WWOX: variants seen among roughly 807,000 people sequenced by gnomAD.
WWOX encodes WW domain-containing oxidoreductase.
A neutral mutation model predicts 46.2 loss-of-function variants in WWOX; 69 were observed. That is an observed-to-expected ratio of 1.49 (90% CI 1.23 to 1.82). The LOEUF (loss-of-function observed/expected upper bound fraction) is 1.82, where lower values mean the gene tolerates loss of function less well. Among genes scored for constraint, WWOX ranks in the 40% most tolerant of loss-of-function variants. The pLI is 0.00. For synonymous variants in WWOX, 359 were observed against 202.6 expected (o/e 1.77, Z -6.56); for missense variants, 919 against 542.6 (o/e 1.69, Z -6.89).
chr16:78,886,240 TA>T lies in WWOX; in HGVS notation c.1057-325365del, dbSNP rs1465544419. ...GCGCCTGACTGTACTTTTTTTTTTTTAAAGTATACCCATACCCATTGTACAC... is the reference window on the plus strand; with the variant it reads ...GCGCCTGACTGTACTTTTTTTTTTTTAAGTATACCCATACCCATTGTACAC... On this transcript the variant is annotated intron_variant, in intron 8 of 8. Coordinates refer to ENST00000566780, the MANE Select transcript of WWOX (RefSeq NM_016373.4). 5.3e-5 allele frequency among the ~76,000 whole-genome samples: 8 copies of T among 151,054 alleles called. No individual in the cohort carries two copies. The South Asian group carries it at 8.4e-4, about 16-fold the overall frequency.
intron 8 of WWOX, among the ~76,000 whole-genome samples, chr16:79,127,012 T>C (rs966875409): frequency 2.0e-5 from 3 of 152,136 alleles, no homozygotes; most frequent in African/African-American, 7.2e-5. Flanking sequence ...TTTAAACTTA[T>C]TTCTTTAATT....
At chr16:78,968,188 T>C (rs748683855) in intron 8 of WWOX, among the ~76,000 whole-genome samples, 29 of 136,810 alleles carry the variant, frequency 2.1e-4, no homozygotes, top group African/African-American at 6.4e-4. Context: ...CGTGGCACAG[T>C]GCGTGGTCTG....
chr16:78,945,994 T>C (rs550863486), intron 8 of WWOX, among the ~76,000 whole-genome samples: 55 of 152,180 alleles, frequency 3.6e-4, no homozygotes, highest in Non-Finnish European at 7.2e-4. Context: ...CTCACAGGCT[T>C]GCCGGGCAAC....
chr16:79,207,489 C>G (rs995178639), intron 8 of WWOX, among the ~76,000 whole-genome samples: 2 of 152,200 alleles, frequency 1.3e-5, no homozygotes, highest in Non-Finnish European at 1.5e-5. Context: ...TTTCATAACT[C>G]TACTTTTTGC....
intron 8 of WWOX, among the ~76,000 whole-genome samples, chr16:78,830,521 C>G (rs1010453325): frequency 6.6e-6 from 1 of 151,968 alleles, no homozygotes; most frequent in Non-Finnish European, 1.5e-5. Flanking sequence ...TACCCATTAC[C>G]AGGGAAGCCT....
At chr16:78,884,526 T>G (rs1047310293) in intron 8 of WWOX, among the ~76,000 whole-genome samples, 1 of 152,132 alleles carries the variant, frequency 6.6e-6, no homozygotes, top group Non-Finnish European at 1.5e-5. Flanking sequence ...ATGAATGACT[T>G]AGAACTAAAT....
intron 8 of WWOX, among the ~76,000 whole-genome samples, chr16:79,201,379 G>A (rs1597470524): frequency 6.6e-6 from 1 of 150,998 alleles, no homozygotes; most frequent in Middle Eastern, 3.4e-3. Context: ...GAAACTTACA[G>A]GGAATAAGAT....
intron 8 of WWOX, among the ~76,000 whole-genome samples, chr16:78,640,237 T>G (rs1016334699): frequency 4.9e-5 from 7 of 143,616 alleles, no homozygotes; most frequent in South Asian, 2.3e-4. Flanking sequence ...TTTTTTTTTT[T>G]TTTTTTTTTT....
chr16:78,117,115 G>C (rs2032835763), intron 4 of WWOX, among the ~76,000 whole-genome samples: 1 of 152,174 alleles, frequency 6.6e-6, no homozygotes, highest in South Asian at 2.1e-4. Context: ...CTCACATGTT[G>C]GAGTAAAGCC....
chr16:78,782,013 C>G (rs2050339411), intron 8 of WWOX, among the ~76,000 whole-genome samples: 1 of 152,158 alleles, frequency 6.6e-6, no homozygotes, highest in Non-Finnish European at 1.5e-5. Flanking sequence ...AAAACCTGCC[C>G]TTTTAACCTC....
At chr16:78,425,540 A>G (rs142225604) in intron 7 of WWOX, among the ~76,000 whole-genome samples, 148 of 152,314 alleles carry the variant, frequency 9.7e-4, no homozygotes, top group African/African-American at 3.5e-3. Context: ...AGCATATTAG[A>G]AATCTGGCCG....
At chr16:78,334,822 A>G (rs931693155) in intron 5 of WWOX, among the ~76,000 whole-genome samples, 26 of 91,330 alleles carry the variant, frequency 2.8e-4, no homozygotes, top group Middle Eastern at 0.01. Flanking sequence ...ACACACACAC[A>G]CACACACACA....
At position 78,578,254 on chromosome 16, in the gene WWOX, TTATATATATATA is replaced by T. The variant is rs1194130355; in HGVS notation, c.1056+145522_1056+145533del. Among the ~76,000 whole-genome samples, 102 of 31,636 alleles carry T rather than the reference TTATATATATATA, an allele frequency of 3.2e-3. 2 individuals are homozygous for T. In the East Asian group the frequency reaches 0.048, roughly 15 times the overall value. 20.8% of individuals were successfully genotyped at this position (31,636 alleles called of 152,430 possible). A position where few individuals can be genotyped will look rare whatever the true frequency, so the allele number is the denominator to read the frequency against. On this transcript the variant is annotated intron_variant, in intron 8 of 8. Coordinates refer to ENST00000566780, the MANE Select transcript of WWOX (RefSeq NM_016373.4). ...TACAAATATATGTGCATACCAAATT[TTATATATATATA>T]TATATATATATATATATATTTTTTT...
chr16:78,290,654 A>G (rs2079845410), intron 5 of WWOX, among the ~76,000 whole-genome samples: 1 of 152,124 alleles, frequency 6.6e-6, no homozygotes, highest in African/African-American at 2.4e-5. Context: ...ACTTTAGTCC[A>G]TTCCGTTAAA....
intron 2 of WWOX, among the ~76,000 whole-genome samples, 185 bp from the exon 3 acceptor site, chr16:78,109,593 G>T (rs767660174): frequency 1.6e-4 from 25 of 152,024 alleles, no homozygotes; most frequent in Non-Finnish European, 3.2e-4. Flanking sequence ...GGAGCCCAGG[G>T]TGGGATCAGG....
chr16:78,601,301 T>A (rs1828517), intron 8 of WWOX, among the ~76,000 whole-genome samples: 115,190 of 151,562 alleles, frequency 0.76, 44,112 homozygotes, highest in Non-Finnish European at 0.81. Flanking sequence ...AGTTGCAAAC[T>A]CTGAATTCTA....
intron 5 of WWOX, among the ~76,000 whole-genome samples, chr16:78,248,215 A>G (rs145643810): frequency 0.014 from 2,143 of 152,272 alleles, 23 homozygotes; most frequent in Middle Eastern, 0.034. Flanking sequence ...GGGAGGCCTC[A>G]GGAAACTTAC....
At position 78,921,575 on chromosome 16, in the gene WWOX, C is replaced by G. The variant is rs191285402; in HGVS notation, c.1057-290033C>G. Among the ~76,000 whole-genome samples the G allele has an allele frequency of 3.9e-5, 6 of 152,210 alleles. No individual in the cohort carries two copies. In the South Asian group the frequency reaches 6.2e-4, roughly 16 times the overall value. ...TCATTGGGACTGAGCAGCTTACTCA[C>G]ATTCTCATTTCACTGATGAGGAAAC... On this transcript the variant is annotated intron_variant, in intron 8 of 8. Coordinates refer to ENST00000566780, the MANE Select transcript of WWOX (RefSeq NM_016373.4).
intron 8 of WWOX, among the ~76,000 whole-genome samples, chr16:79,128,254 A>G (rs566654031): frequency 4.6e-5 from 7 of 152,306 alleles, no homozygotes; most frequent in African/African-American, 1.7e-4. Flanking sequence ...ATCCCATTGG[A>G]GAAATCTTTC....
Sources: allele counts gnomAD v4.1 joint callset (sites outside exome capture counted in the v4.1 genomes callset), GRCh38; gene constraint gnomAD v4.1.1; transcripts MANE v1.5; gene names NCBI Gene and HGNC (gene_info 2026-07-23, HGNC 2026-07-21).